The following OBI1 variants were observed in gnomAD, a reference collection of about 807,000 sequenced individuals.
OBI1 encodes the protein ORC ubiquitin ligase 1, also known as ring finger protein 219.
Under a neutral mutation model 62.4 loss-of-function variants are expected in OBI1, and 59 were observed. The ratio of observed to expected loss-of-function variants is 0.95; its 90% CI spans 0.77 to 1.17. The LOEUF is 1.17. Ranked by LOEUF, OBI1 falls within the 50% of genes most tolerant of loss-of-function variation. The probability of loss-of-function intolerance (pLI) is 0.00; values close to 1 mark genes in which losing one functional copy is unlikely to be tolerated. For synonymous variants in OBI1, 302 were observed against 292.8 expected (o/e 1.03, Z -0.32); for missense variants, 875 against 830.9 (o/e 1.05, Z -0.65).
chr13:78,617,790 A>T (rs1875362654), intron 5 of OBI1, among the ~76,000 whole-genome samples: 1 of 152,052 alleles, frequency 6.6e-6, no homozygotes, highest in African/African-American at 2.4e-5. Context: ...ATTTCTTTCA[A>T]CTTTGAAATA....
At chr13:78,655,859 C>T (rs558668584) in intron 1 of OBI1, among the ~76,000 whole-genome samples, 1 of 152,274 alleles carries the variant, frequency 6.6e-6, no homozygotes, top group South Asian at 2.1e-4. Context: ...CAGAAGCGAA[C>T]CTGAGGACAC....
intron 1 of OBI1, among the ~76,000 whole-genome samples, chr13:78,656,479 G>A (rs1048794831): frequency 1.1e-4 from 16 of 152,206 alleles, no homozygotes; most frequent in African/African-American, 3.9e-4. Flanking sequence ...CTACTCAGGA[G>A]GCTGAGGCAG....
Position 78,615,482 on chromosome 13 carries a change from T to G in OBI1, c.*98A>C. ...TTGATACTTGACTAAAGATTATCAA[T>G]TCCAATTTGTATAGAACTTTTATGA... On this transcript the variant is annotated 3_prime_UTR_variant, in exon 6 of 6. Transcript: ENST00000282003. 1 of 850,410 alleles carries G rather than the reference T, an allele frequency of 1.2e-6. No individual in the cohort carries two copies. The highest frequency in any genetic ancestry group is 1.8e-6 in the Non-Finnish European group (1 of 544,432). 52.7% of individuals were successfully genotyped at this position (850,410 alleles called of 1,614,324 possible). A position where few individuals can be genotyped will look rare whatever the true frequency, so the allele number is the denominator to read the frequency against.
Position 78,649,620 on chromosome 13 carries a change from G to A in OBI1, c.73-4623C>T, listed in dbSNP as rs554976682. ...GGAGAGAGCATAAAAATGAGACGACGGTTAGGAATACCAATGGGAATGATA... is the reference window on the plus strand; with the variant it reads ...GGAGAGAGCATAAAAATGAGACGACAGTTAGGAATACCAATGGGAATGATA... On this transcript the variant is annotated intron_variant, in intron 1 of 5. Coordinates refer to ENST00000282003, the MANE Select transcript of OBI1 (RefSeq NM_024546.4). Among the ~76,000 whole-genome samples, 26 of 152,264 alleles carry A rather than the reference G, an allele frequency of 1.7e-4. No homozygotes were observed. In the Middle Eastern group the frequency reaches 0.01, roughly 60 times the overall value.
intron 5 of OBI1, among the ~76,000 whole-genome samples, chr13:78,621,725 T>C (rs1875518640): frequency 6.6e-6 from 1 of 152,194 alleles, no homozygotes; most frequent in South Asian, 2.1e-4. Context: ...CTTATTGACA[T>C]GGATGAGAAA....
At chr13:78,625,205 G>A (rs994568810) in intron 5 of OBI1, among the ~76,000 whole-genome samples, 3 of 152,122 alleles carry the variant, frequency 2.0e-5, no homozygotes, top group African/African-American at 4.8e-5. Flanking sequence ...TTATTTCTAA[G>A]AGAAATTAAA....
intron 2 of OBI1, among the ~76,000 whole-genome samples, 178 bp from the exon 3 acceptor site, chr13:78,642,391 T>A (rs574753200): frequency 2.9e-4 from 44 of 152,034 alleles, no homozygotes; most frequent in African/African-American, 9.6e-4. Context: ...GAAAAAAAAA[T>A]ATATCAAATA....
Position 78,642,150 on chromosome 13 carries a change from C to T in OBI1, c.272G>A (p.Arg91Lys), listed in dbSNP as rs759081575. 3 of 1,605,576 alleles carry T rather than the reference C, an allele frequency of 1.9e-6. No individual in the cohort carries two copies. The highest frequency in any genetic ancestry group is 1.3e-5 in the African/African-American group (1 of 74,592). ...ATATTCTTTGTGTAGTAATTCAAGT[C>T]TAGTTTTCCGAAGATGCTTCCTGAC... is the stretch of plus-strand genomic sequence containing the variant. Reference protein sequence around the residue: ...HTVRKHLRKTRLELLHKEYED... With the variant: ...HTVRKHLRKTKLELLHKEYED... Residue 91 changes from arginine to lysine, a missense_variant, in exon 3 of 6, where the codon AGA becomes AAA. Coordinates refer to ENST00000282003, the MANE Select transcript of OBI1 (RefSeq NM_024546.4).
chr13:78,647,339 T>C (rs1290694761), intron 1 of OBI1, among the ~76,000 whole-genome samples: 4 of 152,190 alleles, frequency 2.6e-5, no homozygotes, highest in Non-Finnish European at 5.9e-5. Flanking sequence ...CTACTGTACA[T>C]TTGTTCAGTT....
At chr13:78,636,247 TAG>T (rs1197701198) in intron 4 of OBI1, among the ~76,000 whole-genome samples, 1 of 152,202 alleles carries the variant, frequency 6.6e-6, no homozygotes, top group Non-Finnish European at 1.5e-5. Flanking sequence ...GCTTAAATTT[TAG>T]AGTCTTCTTA....
At chr13:78,637,332 G>A (rs1876060461) in intron 4 of OBI1, among the ~76,000 whole-genome samples, 1 of 152,126 alleles carries the variant, frequency 6.6e-6, no homozygotes, top group Non-Finnish European at 1.5e-5. Flanking sequence ...AGCATCACTA[G>A]GCATAGAAAA....
intron 1 of OBI1, 152 bp downstream of exon 1, chr13:78,658,897 A>G (rs1361208430): frequency 7.8e-6 from 5 of 637,534 alleles, no homozygotes; most frequent in Non-Finnish European, 1.1e-5. Flanking sequence ...CCCATCTCCC[A>G]GGACGCGGCC....
intron 1 of OBI1, among the ~76,000 whole-genome samples, chr13:78,650,594 T>C (rs1478779831): frequency 6.6e-6 from 1 of 152,194 alleles, no homozygotes; most frequent in African/African-American, 2.4e-5. Flanking sequence ...CTGCCATTTA[T>C]TGAGCAGTCT....
rs898239658 is a variant in OBI1, at chr13:78,626,795, T to C, written c.638+8315A>G. ...AGACCAAGAATATTGGGGCCAGGCG[T>C]GGTGGCTCACACCTGTAATCCCAGA... On this transcript the variant is annotated intron_variant, in intron 5 of 5. Transcript: ENST00000282003. Among the ~76,000 whole-genome samples the C allele has an allele frequency of 6.6e-5, 10 of 152,276 alleles. 1 individual carries two copies. The highest frequency in any genetic ancestry group is 7.2e-5 in the African/African-American group (3 of 41,564).
chr13:78,615,780 G>A lies in OBI1; in HGVS notation c.1981C>T (p.Arg661Ter), dbSNP rs770889443. Residue 661 changes from arginine to a stop codon, truncating the protein, a stop_gained, in exon 6 of 6, where the codon CGA (arginine) becomes TGA (stop). Coordinates refer to ENST00000282003, the MANE Select transcript of OBI1 (RefSeq NM_024546.4). LOFTEE classifies it high-confidence loss of function. ...CCAAATCTTTGATCTTCAAATAGTC[G>A]ATGTGAACTGCTTAACAAAATGCCC... Reference protein sequence around the residue: ...SQGILLSSSHRLFEDQRFGSS... With the variant: ...SQGILLSSSH The A allele has an allele frequency of 2.6e-5, 42 of 1,613,706 alleles. No individual in the cohort carries two copies. The highest frequency in any genetic ancestry group is 3.1e-5 in the Non-Finnish European group (36 of 1,179,956).
chr13:78,625,370 T>G (rs1875635267), intron 5 of OBI1, among the ~76,000 whole-genome samples: 1 of 152,212 alleles, frequency 6.6e-6, no homozygotes. Flanking sequence ...CTAAATGATC[T>G]CTTATTCTCT....
At chr13:78,617,147 A>C (rs1430175300) in intron 5 of OBI1, 25 bp from the exon 6 acceptor site, 10 of 1,501,742 alleles carry the variant, frequency 6.7e-6, no homozygotes, top group Non-Finnish European at 8.9e-6. Flanking sequence ...AAGATAGTTA[A>C]TCTTATAACT....
chr13:78,618,338 C>T (rs1297440151), intron 5 of OBI1, among the ~76,000 whole-genome samples: 28 of 151,900 alleles, frequency 1.8e-4, no homozygotes, highest in Admixed American at 1.8e-3. Flanking sequence ...TCTTTTTCTT[C>T]CTTTTTTCCC....
intron 1 of OBI1, among the ~76,000 whole-genome samples, chr13:78,656,814 T>TG (rs944109112): frequency 8.2e-6 from 1 of 122,234 alleles, no homozygotes; most frequent in African/African-American, 3.2e-5. Flanking sequence ...TTTTTTTTTT[T>TG]GAGACAAAGT....
Sources: allele counts gnomAD v4.1 joint callset (sites outside exome capture counted in the v4.1 genomes callset), GRCh38; gene constraint gnomAD v4.1.1; transcripts MANE v1.5; gene names NCBI Gene and HGNC (gene_info 2026-07-23, HGNC 2026-07-21).